The following RASSF3 variants were observed in gnomAD, a reference collection of about 807,000 sequenced individuals.
RASSF3 encodes the protein ras association domain-containing protein 3.
RASSF3 carries 19 observed loss-of-function variants against 19.9 expected under a neutral mutation model. That is an observed-to-expected ratio of 0.96 (90% CI 0.67 to 1.40). RASSF3 has a LOEUF of 1.40. RASSF3 is among the 40% of genes most tolerant of loss of function. The probability of loss-of-function intolerance (pLI) is 0.00; values close to 1 mark genes in which losing one functional copy is unlikely to be tolerated. For missense variants in RASSF3, 306 were observed against 289.8 expected (o/e 1.06, Z -0.41); for synonymous variants, 110 against 104.2 (o/e 1.06, Z -0.34).
chr12:64,601,602 G>T (rs1870092202), intron 2 of RASSF3, among the ~76,000 whole-genome samples: 1 of 151,866 alleles, frequency 6.6e-6, no homozygotes, highest in Non-Finnish European at 1.5e-5. Flanking sequence ...TGGGTGGATT[G>T]CTAGAGCCCA....
At chr12:64,570,668 T>A (rs1223224435) in intron 2 of RASSF3, among the ~76,000 whole-genome samples, 2 of 152,208 alleles carry the variant, frequency 1.3e-5, no homozygotes, top group Admixed American at 6.5e-5. Flanking sequence ...TTCTAAGAGC[T>A]GTTTAGCTGC....
rs185785521 is a variant in RASSF3 at position 64,590,326 on chromosome 12, T to G, written c.294+48621T>G. ...AACATTAACTTATAAGCTCAATCCT[T>G]CTCTATAGGAAGGAATGAGGCCAAG... On this transcript the variant is annotated intron_variant, in intron 2 of 5. Coordinates refer to the RASSF3 transcript ENST00000637125. 3.8e-3 allele frequency among the ~76,000 whole-genome samples: 583 copies of G among 152,066 alleles called. 2 individuals carry two copies. Among genetic ancestry groups the G allele is most frequent in the African/African-American group, 0.014 (564 of 41,484 alleles).
intron 1 of RASSF3, among the ~76,000 whole-genome samples, chr12:64,678,663 A>AAAAAAC (rs1158305555): frequency 6.6e-6 from 1 of 151,206 alleles, no homozygotes. Flanking sequence ...AAAAAAAAAA[A>AAAAAAC]AACCAAACAA....
At chr12:64,613,236 TATAAGA>T (rs1477530246) in intron 1 of RASSF3, among the ~76,000 whole-genome samples, 1 of 152,204 alleles carries the variant, frequency 6.6e-6, no homozygotes. Flanking sequence ...TGCTGATGAT[TATAAGA>T]ATAAGATAAG....
At chr12:64,646,105 A>G (rs1871720396) in intron 1 of RASSF3, among the ~76,000 whole-genome samples, 1 of 151,206 alleles carries the variant, frequency 6.6e-6, no homozygotes, top group African/African-American at 2.4e-5. Flanking sequence ...CATTGTTTGA[A>G]TATATCATTA....
intron 1 of RASSF3, among the ~76,000 whole-genome samples, chr12:64,642,559 C>CAAAAA (rs67771603): frequency 1.4e-4 from 6 of 44,024 alleles, no homozygotes; most frequent in Non-Finnish European, 2.4e-4. Flanking sequence ...GACTCCATCT[C>CAAAAA]AAAAAAAAAA....
At chr12:64,534,940 C>A (rs1385910910) in intron 1 of RASSF3, among the ~76,000 whole-genome samples, 1 of 152,138 alleles carries the variant, frequency 6.6e-6, no homozygotes, top group East Asian at 1.9e-4. Context: ...TAAGGCATAG[C>A]ATTACCATAT....
chr12:64,688,718 A>T (rs763809194), intron 3 of RASSF3, among the ~76,000 whole-genome samples: 1 of 150,368 alleles, frequency 6.7e-6, no homozygotes, highest in Admixed American at 6.6e-5. Context: ...TGGTGGGGGG[A>T]TGGGGCGGGG....
rs776361928 is a variant in RASSF3 at position 64,610,753 on chromosome 12, G to A, written c.111+10G>A. On this transcript the variant is annotated intron_variant, in intron 1 of 4. Coordinates refer to ENST00000542104, the MANE Select transcript of RASSF3 (RefSeq NM_178169.4). Reference sequence around the variant, plus strand: ...CCGCTCCGGCCAACAAGTGAGTGGCGCGCGGCGGGCGCTGCAGCCCGCGCC... The same window carrying A: ...CCGCTCCGGCCAACAAGTGAGTGGCACGCGGCGGGCGCTGCAGCCCGCGCC... 3.9e-6 allele frequency: 6 copies of A among 1,558,320 alleles called. No individual in the cohort carries two copies. In the South Asian group the frequency reaches 5.7e-5, roughly 15 times the overall value.
At chr12:64,610,191 C>T (rs866615669), upstream of RASSF3, among the ~76,000 whole-genome samples, 1 of 152,212 alleles carries the variant, frequency 6.6e-6, no homozygotes, top group Middle Eastern at 3.4e-3. Flanking sequence ...GCGGACGGCT[C>T]GCAGAGGAAT....
intron 2 of RASSF3, among the ~76,000 whole-genome samples, chr12:64,590,810 A>G (rs995536743): frequency 6.6e-6 from 1 of 152,128 alleles, no homozygotes; most frequent in Non-Finnish European, 1.5e-5. Context: ...CTTCACCAAG[A>G]CTCAGTTTCT....
At chr12:64,558,048 G>T (rs542041183) in intron 2 of RASSF3, among the ~76,000 whole-genome samples, 1 of 152,210 alleles carries the variant, frequency 6.6e-6, no homozygotes, top group East Asian at 1.9e-4. Context: ...TCAACCACTG[G>T]CCCTCCAGGA....
At chr12:64,586,358 T>G (rs1869799999) in intron 2 of RASSF3, among the ~76,000 whole-genome samples, 1 of 149,990 alleles carries the variant, frequency 6.7e-6, no homozygotes. Context: ...GGCATGGTGG[T>G]ATGCACCCGT....
At chr12:64,685,688 G>T (rs1046993482) in intron 2 of RASSF3, among the ~76,000 whole-genome samples, 2 of 152,206 alleles carry the variant, frequency 1.3e-5, no homozygotes, top group Non-Finnish European at 2.9e-5. Context: ...CTTCCACGTC[G>T]CTGTCGCAGG....
intron 1 of RASSF3, among the ~76,000 whole-genome samples, chr12:64,672,554 T>C (rs1872734256): frequency 6.6e-6 from 1 of 152,132 alleles, no homozygotes; most frequent in Non-Finnish European, 1.5e-5. Context: ...GATAGGATCT[T>C]GCTCTGTTGC....
At chr12:64,508,056 C>G (rs1868302629) in intron 1 of RASSF3, among the ~76,000 whole-genome samples, 1 of 152,184 alleles carries the variant, frequency 6.6e-6, no homozygotes, top group Admixed American at 6.5e-5. Context: ...CATAATGTTT[C>G]ATCTTGCAAC....
intron 1 of RASSF3, among the ~76,000 whole-genome samples, chr12:64,508,674 C>A (rs1403904711): frequency 6.6e-6 from 1 of 151,830 alleles, no homozygotes; most frequent in East Asian, 1.9e-4. Context: ...CACCTGAGGT[C>A]GGGAGTTCAA....
chr12:64,651,505 G>A (rs977328324), intron 1 of RASSF3, among the ~76,000 whole-genome samples: 3 of 152,062 alleles, frequency 2.0e-5, no homozygotes, highest in East Asian at 1.9e-4. Context: ...GATTACAGGC[G>A]CCTGCCACCA....
chr12:64,514,187 T>C (rs1298514778), intron 1 of RASSF3, among the ~76,000 whole-genome samples: 9 of 126,440 alleles, frequency 7.1e-5, no homozygotes, highest in African/African-American at 3.0e-4. Flanking sequence ...GCGCTCAGCC[T>C]CTTTTTTTTT....
Sources: allele counts gnomAD v4.1 joint callset (sites outside exome capture counted in the v4.1 genomes callset), GRCh38; gene constraint gnomAD v4.1.1; transcripts MANE v1.5; gene names NCBI Gene and HGNC (gene_info 2026-07-23, HGNC 2026-07-21).